The following PPP2CA variants were observed in gnomAD, a reference collection of about 807,000 sequenced individuals.
The protein encoded by PPP2CA is protein phosphatase 2 catalytic subunit alpha.
PPP2CA carries 5 observed loss-of-function variants against 38.8 expected under a neutral mutation model. The ratio of observed to expected loss-of-function variants is 0.13; its 90% CI spans 0.07 to 0.27. The LOEUF is 0.27. Ranked by LOEUF, PPP2CA falls within the 10% of genes least tolerant of loss-of-function variation. The pLI is 1.00. For synonymous variants in PPP2CA, 152 were observed against 134.0 expected (o/e 1.13, Z -0.93); for missense variants, 88 against 389.7 (o/e 0.23, Z 6.52).
chr5:134,207,239 A>G (rs1762102892), intron 1 of PPP2CA, among the ~76,000 whole-genome samples: 1 of 152,104 alleles, frequency 6.6e-6, no homozygotes, highest in East Asian at 1.9e-4. Flanking sequence ...CCCCATCTCC[A>G]CTAAAAATAA....
At chr5:134,198,723 G>T (rs1311577067) in intron 6 of PPP2CA, among the ~76,000 whole-genome samples, 1 of 152,014 alleles carries the variant, frequency 6.6e-6, no homozygotes, top group Middle Eastern at 3.2e-3. Context: ...GCGCCACCAT[G>T]CTGGGCTAAT....
chr5:134,203,308 T>A (rs143323023), intron 2 of PPP2CA, among the ~76,000 whole-genome samples: 278 of 152,358 alleles, frequency 1.8e-3, no homozygotes, highest in African/African-American at 5.5e-3. Context: ...TATGATACAT[T>A]CTGATCCATT....
rs1761797078 is a variant in PPP2CA, at chr5:134,194,394, A to G, written c.*3378T>C. ...TCACAGAACCAAAATCCATCTGAAA[A>G]CAAACAAGCCTATTACCAAACTATA... On this transcript the variant is annotated 3_prime_UTR_variant, in exon 7 of 7. Transcript: ENST00000481195. The G allele has an allele frequency of 1.3e-5, 2 of 152,242 alleles. No homozygotes were observed. The highest frequency in any genetic ancestry group is 4.1e-4 in the South Asian group (2 of 4,838). 9.4% of individuals were successfully genotyped at this position (152,242 alleles called of 1,614,324 possible). A position where few individuals can be genotyped will look rare whatever the true frequency, so the allele number is the denominator to read the frequency against.
intron 3 of PPP2CA, among the ~76,000 whole-genome samples, chr5:134,201,513 G>T (rs1021375160): frequency 1.3e-5 from 2 of 152,110 alleles, no homozygotes; most frequent in African/African-American, 2.4e-5. Flanking sequence ...AAATTTTATT[G>T]TAAGTTCTTT....
At chr5:134,198,919 T>C (rs991249957) in intron 6 of PPP2CA, among the ~76,000 whole-genome samples, 167 bp downstream of exon 6, 1 of 152,196 alleles carries the variant, frequency 6.6e-6, no homozygotes. Context: ...CACTGTATCT[T>C]ATACTTGTAA....
In PPP2CA at chr5:134,225,983, C is replaced by T. The variant is rs1762573253; in HGVS notation, c.-122G>A. 2 of 808,158 alleles carry T rather than the reference C, an allele frequency of 2.5e-6. No individual in the cohort carries two copies. Among genetic ancestry groups the T allele is most frequent in the Non-Finnish European group, 3.8e-6 (2 of 523,076 alleles). The allele number at this position is 808,158 out of a possible 1,614,324, so 50.1% of individuals were successfully genotyped here. On this transcript the variant is annotated 5_prime_UTR_variant, in exon 1 of 7. Coordinates refer to ENST00000481195, the MANE Select transcript of PPP2CA (RefSeq NM_002715.4). ...TACTTCTGGCGGCTGTTGAGGCTGG[C>T]GCTGGCCCGCTGGCTCTCACCGCAG... is the stretch of plus-strand genomic sequence containing the variant.
intron 4 of PPP2CA, among the ~76,000 whole-genome samples, chr5:134,200,710 A>G (rs2149383050): frequency 6.6e-6 from 1 of 152,350 alleles, no homozygotes; most frequent in South Asian, 2.1e-4. Context: ...CATGGGACCC[A>G]GCAGCAACAT....
At chr5:134,218,896 C>T (rs548235746) in intron 1 of PPP2CA, among the ~76,000 whole-genome samples, 1 of 152,174 alleles carries the variant, frequency 6.6e-6, no homozygotes, top group African/African-American at 2.4e-5. Context: ...GGCTCCATCT[C>T]CTGACCTCGT....
At chr5:134,205,802 C>A in intron 2 of PPP2CA, 120 bp downstream of exon 2, 1 of 817,092 alleles carries the variant, frequency 1.2e-6, no homozygotes. Flanking sequence ...TGAACATATG[C>A]ATTCCTAAAT....
intron 1 of PPP2CA, chr5:134,225,402 A>C: frequency 9.1e-6 from 2 of 220,798 alleles, no homozygotes; most frequent in Non-Finnish European, 1.8e-5. Flanking sequence ...GGAGAGGCCC[A>C]GGCTCCATTC....
chr5:134,198,253 C>T (rs755337914), intron 6 of PPP2CA, among the ~76,000 whole-genome samples: 8 of 151,822 alleles, frequency 5.3e-5, no homozygotes, highest in Non-Finnish European at 8.8e-5. Context: ...ATTAGCCGGG[C>T]GTGGTGGCAG....
intron 1 of PPP2CA, among the ~76,000 whole-genome samples, chr5:134,216,868 G>A (rs1014169596): frequency 3.3e-5 from 5 of 152,256 alleles, no homozygotes; most frequent in African/African-American, 1.2e-4. Context: ...GGCCTAACCT[G>A]TCTTCTCTGT....
chr5:134,197,975 T>C (rs1761890023), intron 6 of PPP2CA, 131 bp from the exon 7 acceptor site: 14 of 723,540 alleles, frequency 1.9e-5, no homozygotes, highest in Non-Finnish European at 3.5e-5. Context: ...TAACAGAACC[T>C]TAATGATAAT....
At chr5:134,208,801 T>G (rs1035659717) in intron 1 of PPP2CA, among the ~76,000 whole-genome samples, 2 of 152,184 alleles carry the variant, frequency 1.3e-5, no homozygotes, top group South Asian at 2.1e-4. Flanking sequence ...ACAGAAACAA[T>G]AGTTTTCCTT....
At chr5:134,224,414 G>A (rs1762516624) in intron 1 of PPP2CA, 1 of 396,148 alleles carries the variant, frequency 2.5e-6, no homozygotes, top group South Asian at 1.8e-5. Context: ...AATTCCAATT[G>A]TTCACAACAT....
rs1217957464 is a variant in PPP2CA at position 134,225,904 on chromosome 5, G to A, written c.-43C>T. ...CCGGCTGCCGCTCCGCGCTGCTCCC[G>A]CGCCGCCGCCCGCACACGGGCCTAC... On this transcript the variant is annotated 5_prime_UTR_variant, in exon 1 of 7. Transcript: ENST00000481195. 1.3e-6 allele frequency: 2 copies of A among 1,575,302 alleles called. No homozygotes were observed. Among genetic ancestry groups the A allele is most frequent in the Admixed American group, 1.7e-5 (1 of 59,434 alleles).
intron 2 of PPP2CA, 119 bp from the exon 3 acceptor site, chr5:134,202,140 CTCATA>C: frequency 1.0e-6 from 1 of 996,200 alleles, no homozygotes; most frequent in South Asian, 1.8e-5. Context: ...AGCACACATC[CTCATA>C]TCATAGTGAA....
At chr5:134,224,509 A>G (rs1323582097) in intron 1 of PPP2CA, 2 of 344,346 alleles carry the variant, frequency 5.8e-6, no homozygotes, top group Non-Finnish European at 1.1e-5. Flanking sequence ...AAATCAGGAT[A>G]ATAGTTCTCC....
rs887956909 is a variant in PPP2CA, at chr5:134,197,581, C to G, written c.*191G>C. Reference sequence around the variant, plus strand: ...CGCTTCAGCATGCAATGAACTGGTTCATTCTAAAGTGGTCACGGCTGTTGA... The same window carrying G: ...CGCTTCAGCATGCAATGAACTGGTTGATTCTAAAGTGGTCACGGCTGTTGA... On this transcript the variant is annotated 3_prime_UTR_variant, in exon 7 of 7. Transcript: ENST00000481195. 1 of 556,172 alleles carries G rather than the reference C, an allele frequency of 1.8e-6. No homozygotes were observed. 34.5% of individuals were successfully genotyped at this position (556,172 alleles called of 1,614,324 possible). A position where few individuals can be genotyped will look rare whatever the true frequency, so the allele number is the denominator to read the frequency against.
Sources: gnomAD v4.1 joint callset for allele counts (sites outside exome capture counted in the v4.1 genomes callset) on GRCh38, gnomAD v4.1.1 for gene constraint, MANE v1.5 for transcripts, NCBI Gene and HGNC (gene_info 2026-07-23, HGNC 2026-07-21) for gene names.